PCCA: variants seen among roughly 807,000 people sequenced by gnomAD.
PCCA encodes propionyl-CoA carboxylase subunit alpha.
In PCCA, 74 loss-of-function variants were observed where a neutral mutation model predicts 101.3. The ratio of observed to expected loss-of-function variants is 0.73; its 90% CI spans 0.61 to 0.89. The LOEUF (loss-of-function observed/expected upper bound fraction) is 0.89, where lower values mean the gene tolerates loss of function less well. Among genes scored for constraint, PCCA ranks in the 40% least tolerant of loss-of-function variants. The pLI, the probability that PCCA is intolerant of heterozygous loss-of-function variation, is 0.00. For missense variants in PCCA, 891 were observed against 907.0 expected (o/e 0.98, Z 0.23); for synonymous variants, 294 against 313.6 (o/e 0.94, Z 0.66).
intron 19 of PCCA, among the ~76,000 whole-genome samples, chr13:100,401,725 A>G (rs9585433): frequency 0.032 from 4,826 of 152,162 alleles, 252 homozygotes; most frequent in African/African-American, 0.11. Flanking sequence ...ACCAAAACCA[A>G]TATATATTAG....
Position 100,301,501 on chromosome 13 carries a change from A to C in PCCA, c.1107A>C (p.Leu369=). The C allele has an allele frequency of 6.2e-7, 1 of 1,613,814 alleles. No individual in the cohort carries two copies. The highest frequency in any genetic ancestry group is 1.1e-5 in the South Asian group (1 of 91,076). ...CAGAATGCATTACTGGCCTGGACCTAGTCCAGGAAATGATCCGTGTTGCTA... is the reference window on the plus strand; with the variant it reads ...CAGAATGCATTACTGGCCTGGACCTCGTCCAGGAAATGATCCGTGTTGCTA... ...PVTECITGLD[L]VQEMIRVAKG... is the part of the protein sequence containing the mutation. Residue 369 remains leucine (L), a synonymous_variant, in exon 13 of 24, where the codon CTA becomes CTC. Transcript: ENST00000376285.
At chr13:100,328,076 G>A (rs2068907661) in intron 16 of PCCA, among the ~76,000 whole-genome samples, 1 of 152,046 alleles carries the variant, frequency 6.6e-6, no homozygotes, top group African/African-American at 2.4e-5. Context: ...ATAAAAATTA[G>A]CTGGGTGGCC....
intron 8 of PCCA, among the ~76,000 whole-genome samples, chr13:100,244,614 C>CT (rs11418617): frequency 0.028 from 4,301 of 151,994 alleles, 216 homozygotes; most frequent in African/African-American, 0.098. Flanking sequence ...AAAAACATTG[C>CT]TTTTTTTGTT....
intron 17 of PCCA, among the ~76,000 whole-genome samples, chr13:100,335,082 T>C (rs894152109): frequency 6.6e-5 from 10 of 152,202 alleles, no homozygotes; most frequent in Admixed American, 1.3e-4. Context: ...AATCTTAGAA[T>C]AGTGTCTGCT....
Position 100,232,157 on chromosome 13 carries a change from G to C in PCCA, c.601-3685G>C, listed in dbSNP as rs141116364. On this transcript the variant is annotated intron_variant, in intron 7 of 23. Transcript: ENST00000376285. The stretch of plus-strand genomic sequence containing the variant: ...GATCTGGCCAGAACAGGGCCACGCC[G>C]TCCATACCTCCTTATCTTGTGCTTT... Among the ~76,000 whole-genome samples the C allele has an allele frequency of 3.4e-4, 52 of 152,286 alleles. No homozygotes were observed. The East Asian group carries it at 9.5e-3, about 28-fold the overall frequency.
intron 4 of PCCA, among the ~76,000 whole-genome samples, chr13:100,144,187 A>G (rs1818748814): frequency 2.0e-5 from 3 of 150,730 alleles, no homozygotes; most frequent in Admixed American, 6.6e-5. Flanking sequence ...GGAGCTAACT[A>G]TACCAGGAAG....
Position 100,431,772 on chromosome 13 carries a change from A to G in PCCA, c.1845+6041A>G, listed in dbSNP as rs766670786. On this transcript the variant is annotated intron_variant, in intron 20 of 23. Coordinates refer to ENST00000376285, the MANE Select transcript of PCCA (RefSeq NM_000282.4). ...TCCCAGCTGCGTGGGAGGCTGAGGC[A>G]GGAGAATGGTGTGAACCCAGGAGGC... Among the ~76,000 whole-genome samples, 52 of 152,138 alleles carry G rather than the reference A, an allele frequency of 3.4e-4. 1 individual carries two copies. Among genetic ancestry groups the G allele is most frequent in the Non-Finnish European group, 1.2e-4 (8 of 68,032 alleles).
chr13:100,134,388 A>C lies in PCCA; in HGVS notation c.301-20591A>C, dbSNP rs565550956. Among the ~76,000 whole-genome samples, 3 of 152,158 alleles carry C rather than the reference A, an allele frequency of 2.0e-5. No individual in the cohort carries two copies. In the South Asian group the frequency reaches 6.2e-4, roughly 32 times the overall value. ...CTGGTTCATTTGCCTTTTCGTATAC[A>C]TTTTAGAATCAGCTTATGTTTATGT... is the stretch of plus-strand genomic sequence containing the variant. On this transcript the variant is annotated intron_variant, in intron 4 of 23. Transcript: ENST00000376285.
chr13:100,222,589 T>C (rs1425604004), intron 7 of PCCA, among the ~76,000 whole-genome samples: 1 of 152,238 alleles, frequency 6.6e-6, no homozygotes, highest in Non-Finnish European at 1.5e-5. Flanking sequence ...AGAAGTTTGC[T>C]GATGGAAATA....
intron 15 of PCCA, among the ~76,000 whole-genome samples, chr13:100,309,312 G>A (rs531202203): frequency 2.0e-5 from 3 of 152,304 alleles, no homozygotes; most frequent in South Asian, 4.2e-4. Flanking sequence ...CGAGAGGATC[G>A]CTTGAACCTG....
intron 21 of PCCA, among the ~76,000 whole-genome samples, chr13:100,455,059 C>A (rs771427146): frequency 1.3e-5 from 2 of 151,932 alleles, no homozygotes; most frequent in Non-Finnish European, 2.9e-5. Context: ...GCCTATAAAG[C>A]CAGCACTTTG....
At chr13:100,180,715 C>G (rs2056720918) in intron 6 of PCCA, among the ~76,000 whole-genome samples, 1 of 152,226 alleles carries the variant, frequency 6.6e-6, no homozygotes, top group South Asian at 2.1e-4. Flanking sequence ...GACTTTCTGT[C>G]TGGCTAGTAG....
chr13:100,481,420 C>T (rs576434350), intron 21 of PCCA, among the ~76,000 whole-genome samples: 10 of 152,112 alleles, frequency 6.6e-5, no homozygotes, highest in African/African-American at 1.4e-4. Flanking sequence ...TCACCGGTCA[C>T]GGTGGCACAT....
intron 21 of PCCA, among the ~76,000 whole-genome samples, chr13:100,495,037 CG>C (rs2085177777): frequency 6.6e-6 from 1 of 151,920 alleles, no homozygotes; most frequent in African/African-American, 2.4e-5. Flanking sequence ...GATTCTCAAC[CG>C]GGGCAGTATT....
chr13:100,183,181 A>G lies in PCCA; in HGVS notation c.468+25841A>G, dbSNP rs184855699. Among the ~76,000 whole-genome samples, 911 of 152,028 alleles carry G rather than the reference A, an allele frequency of 6.0e-3. 7 individuals carry two copies. The highest frequency in any genetic ancestry group is 0.011 in the Non-Finnish European group (755 of 67,972). Reference sequence around the variant, plus strand: ...GTACGAAGGATTCATGAGGGGGAGTATTTTATATTGGTGTAGGTGTTGGTT... The same window carrying G: ...GTACGAAGGATTCATGAGGGGGAGTGTTTTATATTGGTGTAGGTGTTGGTT... On this transcript the variant is annotated intron_variant, in intron 6 of 23. Transcript: ENST00000376285.
chr13:100,127,067 T>TA (rs1445912746), intron 4 of PCCA, among the ~76,000 whole-genome samples: 2 of 152,204 alleles, frequency 1.3e-5, no homozygotes, highest in Non-Finnish European at 2.9e-5. Context: ...ACTGATAGCT[T>TA]AAGCCACCCG....
chr13:100,155,245 A>C (rs948875533), intron 5 of PCCA, among the ~76,000 whole-genome samples, 153 bp downstream of exon 5: 1 of 152,200 alleles, frequency 6.6e-6, no homozygotes, highest in Non-Finnish European at 1.5e-5. Flanking sequence ...CGAATTCGCT[A>C]CTGGAAATCA....
At chr13:100,249,372 A>G (rs1417914533) in intron 8 of PCCA, among the ~76,000 whole-genome samples, 2 of 152,176 alleles carry the variant, frequency 1.3e-5, no homozygotes, top group African/African-American at 4.8e-5. Flanking sequence ...TTTAATTGCC[A>G]TTGCTTCTTT....
chr13:100,292,674 T>C (rs1442641176), intron 12 of PCCA, among the ~76,000 whole-genome samples: 2 of 152,238 alleles, frequency 1.3e-5, no homozygotes, highest in African/African-American at 4.8e-5. Flanking sequence ...AAGCCACATA[T>C]TAAATAATAA....
Sources: allele counts gnomAD v4.1 joint callset (sites outside exome capture counted in the v4.1 genomes callset), GRCh38; gene constraint gnomAD v4.1.1; transcripts MANE v1.5; gene names NCBI Gene and HGNC (gene_info 2026-07-23, HGNC 2026-07-21).